ELMO1: variants seen among roughly 807,000 people sequenced by gnomAD.
ELMO1 encodes the protein engulfment and cell motility protein 1.
A neutral mutation model predicts 98.9 loss-of-function variants in ELMO1; 26 were observed. The observed-to-expected ratio is 0.26, with a 90% confidence interval of 0.19 to 0.36. The LOEUF (loss-of-function observed/expected upper bound fraction) is 0.36, where lower values mean the gene tolerates loss of function less well. ELMO1 is among the 10% of genes least tolerant of loss of function. ELMO1 has a pLI of 1.00. For synonymous variants in ELMO1, 346 were observed against 346.0 expected, an observed-to-expected ratio of 1.00 and a Z score of 0.00; for missense variants, 627 against 935.2, an observed-to-expected ratio of 0.67 and a Z score of 4.30.
intron 17 of ELMO1, among the ~76,000 whole-genome samples, chr7:36,891,069 T>C (rs2129053069): frequency 6.6e-6 from 1 of 152,316 alleles, no homozygotes; most frequent in South Asian, 2.1e-4. Flanking sequence ...CCATCCTAAT[T>C]AGAGACAGCT....
intron 1 of ELMO1, among the ~76,000 whole-genome samples, chr7:37,405,123 C>T (rs564818318): frequency 6.6e-6 from 1 of 152,218 alleles, no homozygotes; most frequent in South Asian, 2.1e-4. Flanking sequence ...GAAAGCATAA[C>T]TTTGAGTGAC....
rs1260878296 is a variant in ELMO1, at chr7:37,361,083, AAC to A, written c.-73-18322_-73-18321del. Among the ~76,000 whole-genome samples, 4 of 152,308 alleles carry A rather than the reference AAC, an allele frequency of 2.6e-5. No homozygotes were observed. In the South Asian group the frequency reaches 6.2e-4, roughly 24 times the overall value. Reference sequence around the variant, plus strand: ...GCTGATAAATAGTAAGACTTTGAAAAACAGTTTGGTACATTTTTAAAAATATT... The same window carrying A: ...GCTGATAAATAGTAAGACTTTGAAAAAGTTTGGTACATTTTTAAAAATATT... On this transcript the variant is annotated intron_variant, in intron 1 of 21. Coordinates refer to ENST00000310758, the MANE Select transcript of ELMO1 (RefSeq NM_014800.11).
intron 4 of ELMO1, among the ~76,000 whole-genome samples, chr7:37,303,280 C>A (rs1379973437): frequency 2.0e-5 from 3 of 152,110 alleles, no homozygotes; most frequent in Admixed American, 6.5e-5. Flanking sequence ...CTGATGGGTT[C>A]TAACAAATAT....
intron 2 of ELMO1, among the ~76,000 whole-genome samples, chr7:37,325,904 C>T (rs1343406282): frequency 2.0e-5 from 3 of 152,168 alleles, no homozygotes; most frequent in East Asian, 3.8e-4. Context: ...AGAGGCGCCT[C>T]GTGACATTGT....
chr7:37,192,717 G>A (rs1437531296), intron 13 of ELMO1, among the ~76,000 whole-genome samples: 2 of 148,294 alleles, frequency 1.3e-5, no homozygotes, highest in African/African-American at 5.0e-5. Context: ...AGGATAGCTT[G>A]AGCCTGGGAG....
chr7:37,068,847 A>C (rs1797121359), intron 15 of ELMO1, among the ~76,000 whole-genome samples: 1 of 152,198 alleles, frequency 6.6e-6, no homozygotes, highest in Non-Finnish European at 1.5e-5. Flanking sequence ...CCCGACTCCT[A>C]GGTCATGAGA....
intron 16 of ELMO1, among the ~76,000 whole-genome samples, chr7:36,911,035 T>C (rs1784310019): frequency 6.6e-6 from 1 of 152,230 alleles, no homozygotes; most frequent in Non-Finnish European, 1.5e-5. Context: ...CTACTGTCCC[T>C]GGTCAGGAGT....
At chr7:37,293,837 G>A (rs1797891665) in intron 4 of ELMO1, among the ~76,000 whole-genome samples, 1 of 147,956 alleles carries the variant, frequency 6.8e-6, no homozygotes, top group Non-Finnish European at 1.5e-5. Flanking sequence ...TCATTCCTGG[G>A]TTTCACAATA....
intron 13 of ELMO1, among the ~76,000 whole-genome samples, chr7:37,155,487 C>CAAA (rs781745325): frequency 0.2 from 9,454 of 47,720 alleles, 690 homozygotes; most frequent in Non-Finnish European, 0.21. Flanking sequence ...AAACGGAAAG[C>CAAA]AAAAAAAAAA....
intron 16 of ELMO1, among the ~76,000 whole-genome samples, chr7:36,966,263 C>T (rs913430522): frequency 1.3e-5 from 2 of 152,142 alleles, no homozygotes; most frequent in Non-Finnish European, 2.9e-5. Flanking sequence ...TTTTATATGA[C>T]CTAACTGTAT....
intron 14 of ELMO1, among the ~76,000 whole-genome samples, chr7:37,120,989 T>C (rs1262124355): frequency 6.6e-6 from 1 of 152,180 alleles, no homozygotes. Flanking sequence ...TTCTGCAGCC[T>C]CCGCTGCTGA....
chr7:37,128,858 A>T (rs1786705524), intron 14 of ELMO1, among the ~76,000 whole-genome samples: 1 of 152,162 alleles, frequency 6.6e-6, no homozygotes, highest in Admixed American at 6.5e-5. Context: ...GCCTGCTCAC[A>T]AGACATTTAC....
intron 13 of ELMO1, among the ~76,000 whole-genome samples, chr7:37,187,308 G>A (rs1420424): frequency 0.53 from 79,933 of 151,924 alleles, 22,403 homozygotes; most frequent in East Asian, 0.65. Flanking sequence ...TGGGGAGGAC[G>A]AACAGATTGG....
chr7:37,254,468 C>T (rs1049376948), intron 6 of ELMO1, among the ~76,000 whole-genome samples: 2 of 152,174 alleles, frequency 1.3e-5, no homozygotes, highest in African/African-American at 4.8e-5. Flanking sequence ...GTTGTGTGAA[C>T]ATCGTAGAGT....
chr7:36,880,817 G>A (rs1022074163), intron 18 of ELMO1, among the ~76,000 whole-genome samples: 1 of 152,172 alleles, frequency 6.6e-6, no homozygotes, highest in Non-Finnish European at 1.5e-5. Flanking sequence ...AGAGAACAGT[G>A]GCTATCTGTC....
intron 13 of ELMO1, among the ~76,000 whole-genome samples, chr7:37,200,446 C>A (rs1792224761): frequency 6.7e-6 from 1 of 149,962 alleles, no homozygotes; most frequent in Non-Finnish European, 1.5e-5. Flanking sequence ...ATGCCATTCT[C>A]TCTGTCATTT....
At position 37,062,045 on chromosome 7, in the gene ELMO1, A is replaced by T. The variant is rs185206925; in HGVS notation, c.1300+34574T>A. Among the ~76,000 whole-genome samples, 3 of 152,340 alleles carry T rather than the reference A, an allele frequency of 2.0e-5. No individual in the cohort carries two copies. In the East Asian group the frequency reaches 5.8e-4, roughly 29 times the overall value. On this transcript the variant is annotated intron_variant, in intron 15 of 21. Coordinates refer to ENST00000310758, the MANE Select transcript of ELMO1 (RefSeq NM_014800.11). ...GCAGCATCCTAGTTGACATAGCAGC[A>T]TCCTGTAATTACCCCTAAAGGCCAT...
intron 1 of ELMO1, among the ~76,000 whole-genome samples, chr7:37,387,538 C>T (rs953876548): frequency 2.6e-5 from 4 of 152,174 alleles, no homozygotes; most frequent in African/African-American, 4.8e-5. Flanking sequence ...CTAAAACCAT[C>T]CTATTTCCAA....
chr7:36,903,938 C>A (rs1783775637), intron 16 of ELMO1, among the ~76,000 whole-genome samples: 1 of 152,262 alleles, frequency 6.6e-6, no homozygotes, highest in Admixed American at 6.5e-5. Context: ...TGCCTGCTCT[C>A]AGCCTGCTTG....
Sources: gnomAD v4.1 joint callset for allele counts (sites outside exome capture counted in the v4.1 genomes callset) on GRCh38, gnomAD v4.1.1 for gene constraint, MANE v1.5 for transcripts, NCBI Gene and HGNC (gene_info 2026-07-23, HGNC 2026-07-21) for gene names.